Variants in SPIN3 observed in about 807,000 individuals in gnomAD.
SPIN3 encodes the protein spindlin-3.
For missense variants in SPIN3, 176 were observed against 196.4 expected (o/e 0.90, Z 0.62); for synonymous variants, 74 against 74.3 (o/e 1.00, Z 0.02).
downstream of SPIN3, among the ~76,000 whole-genome samples, chrX:56,990,508 A>T (rs1158996182): frequency 8.9e-6 from 1 of 111,818 alleles, no homozygotes; most frequent in African/African-American, 3.3e-5. Flanking sequence ...AACAGAAAAA[A>T]ATAATTGTTC....
downstream of SPIN3, among the ~76,000 whole-genome samples, chrX:56,987,315 C>G (rs928561820): frequency 9.1e-6 from 1 of 110,126 alleles, no homozygotes; most frequent in Non-Finnish European, 1.9e-5. Context: ...GGTATTCCAG[C>G]CTTTCAACTT....
chrX:56,989,642 G>A (rs1924290238), downstream of SPIN3, among the ~76,000 whole-genome samples: 1 of 111,425 alleles, frequency 9.0e-6, no homozygotes, highest in African/African-American at 3.3e-5. Context: ...CCCATCACTT[G>A]CATTACCACC....
chrX:56,987,551 T>A (rs138855007), downstream of SPIN3, among the ~76,000 whole-genome samples: 54 of 111,826 alleles, frequency 4.8e-4, 1 homozygote, highest in East Asian at 0.012. Context: ...ATATCTTTGT[T>A]GCTTTTCTCC....
At chrX:56,984,414 C>T (rs1569323707) in exon 3 of SPIN3, 3 of 318,443 alleles carry the variant, frequency 9.4e-6, no homozygotes, top group African/African-American at 8.6e-5. Context: ...GGACACATTA[C>T]TTTGATACAA....
chrX:56,994,801 G>C lies in SPIN3; in HGVS notation c.147C>G (p.Ile49Met). ...ATCCGTGCTGAATTCTGCAGCCCAC[G>C]ATGTTCCCCCGAGGCTGGGAGGTGG... ...SRPTSQPRGN[I>M]VGCRIQHGWK... Residue 49 changes from isoleucine to methionine, a missense_variant, in exon 2 of 2, where the codon ATC becomes ATG. Coordinates refer to ENST00000374919, the MANE Select transcript of SPIN3 (RefSeq NM_001010862.3). The C allele has an allele frequency of 9.1e-6, 11 of 1,211,534 alleles. No homozygotes were observed. The highest frequency in any genetic ancestry group is 1.2e-5 in the Non-Finnish European group (11 of 895,506).
Position 56,994,270 on chromosome X carries a change from G to T in SPIN3, c.678C>A (p.Gly226=), listed in dbSNP as rs752679229. The change falls in exon 2 of 2, where the codon GGC becomes GGA. Residue 226 remains glycine, a synonymous_variant. Coordinates refer to ENST00000374919, the MANE Select transcript of SPIN3 (RefSeq NM_001010862.3). The part of the protein sequence containing the change: ...YAKDDGSKRT[G]MVIHQVEAKP... ...TTGCTTCTACCTGATGAATGACCATGCCAGTTCTCTTGGAGCCATCGTCTT... is the reference window on the plus strand; with the variant it reads ...TTGCTTCTACCTGATGAATGACCATTCCAGTTCTCTTGGAGCCATCGTCTT... The T allele has an allele frequency of 1.7e-6, 2 of 1,211,839 alleles. No individual in the cohort carries two copies. The highest frequency in any genetic ancestry group is 3.5e-5 in the South Asian group (2 of 56,969).
At chrX:56,988,076 A>G (rs1472152488), downstream of SPIN3, among the ~76,000 whole-genome samples, 1 of 111,851 alleles carries the variant, frequency 8.9e-6, no homozygotes. Context: ...TTGCTAGTAT[A>G]GAGCTAGTAA....
chrX:56,989,954 C>T (rs1035193351), downstream of SPIN3, among the ~76,000 whole-genome samples: 3 of 109,820 alleles, frequency 2.7e-5, no homozygotes, highest in African/African-American at 1.0e-4. Context: ...ATCCCCAAAC[C>T]ACCCCCCTCC....
In SPIN3 at chrX:56,994,307, A is replaced by AG. The variant is rs1245023595; in HGVS notation, c.640_641insC (p.Val214AlafsTer31). 5 of 1,210,151 alleles carry AG rather than the reference A, an allele frequency of 4.1e-6. No individual in the cohort carries two copies. The highest frequency in any genetic ancestry group is 5.6e-6 in the Non-Finnish European group (5 of 895,307). On this transcript the variant is annotated frameshift_variant, in exon 2 of 2. Transcript: ENST00000374919. LOFTEE classifies it high-confidence loss of function. ...GGAGCCATCGTCTTTGGCGTATTCC[A>AG]CCTGTTTGCCTACCAGGCTGTCTAT... is the stretch of plus-strand genomic sequence containing the variant.
In SPIN3 at chrX:56,994,950, C is replaced by T; in HGVS notation, c.-2-1G>A. On this transcript the variant is annotated splice_acceptor_variant, in intron 1 of 1. Transcript: ENST00000374919. LOFTEE classifies it low-confidence loss of function (5UTR_SPLICE). Reference sequence around the variant, plus strand: ...GCCTTTCCAAACGGGGTCTTCATGCCTGCGAAGAGGAGCACAGTTGCCAGG... The same window carrying T: ...GCCTTTCCAAACGGGGTCTTCATGCTTGCGAAGAGGAGCACAGTTGCCAGG... 1 of 1,178,908 alleles carries T rather than the reference C, an allele frequency of 8.5e-7. No individual in the cohort carries two copies. Among genetic ancestry groups the T allele is most frequent in the Admixed American group, 2.4e-5 (1 of 40,961 alleles).
Position 56,992,451 on chromosome X carries a change from G to A in SPIN3, c.*1720C>T. The A allele has an allele frequency of 1.7e-5, 5 of 297,286 alleles. No individual in the cohort carries two copies. Among genetic ancestry groups the A allele is most frequent in the Non-Finnish European group, 2.3e-5 (4 of 170,292 alleles). 24.5% of individuals were successfully genotyped at this position (297,286 alleles called of 1,213,427 possible). On this transcript the variant is annotated 3_prime_UTR_variant, in exon 2 of 2. Transcript: ENST00000374919. The stretch of plus-strand genomic sequence containing the variant: ...CTGTTGTCAGTCAAACATCATAGTA[G>A]AGACTTAGTGGCATCAAAAAGCAAA...
exon 6 of SPIN3, chrX:56,976,995 T>A (rs750821012): frequency 8.9e-6 from 1 of 112,018 alleles, no homozygotes; most frequent in East Asian, 2.8e-4. Flanking sequence ...CCTGTTTATG[T>A]AATTTTTCTT....
downstream of SPIN3, among the ~76,000 whole-genome samples, chrX:56,990,128 T>G (rs1303287217): frequency 9.0e-6 from 1 of 111,318 alleles, no homozygotes; most frequent in Non-Finnish European, 1.9e-5. Context: ...TCAAAGTATC[T>G]GACCTAAGCC....
chrX:56,981,605 C>T (rs1213155992), intron 3 of SPIN3: 1 of 111,621 alleles, frequency 9.0e-6, no homozygotes, highest in Non-Finnish European at 1.9e-5. Context: ...ATCCCAAAAA[C>T]TACAGCTTTA....
At position 56,994,187 on chromosome X, in the gene SPIN3, A is replaced by C; in HGVS notation, c.761T>G (p.Leu254Trp). ...DDDFHIYVYD[L>W]VKTS ...AGATGACCTCTAAGATGTTTTTACC[A>C]AATCGTAGACATAGATATGGAAATC... Residue 254 changes from leucine to tryptophan, a missense_variant, in exon 2 of 2, where the codon TTG (leucine) becomes TGG (tryptophan). By Grantham distance (61) the Leu-to-Trp change is moderately conservative. Coordinates refer to ENST00000374919, the MANE Select transcript of SPIN3 (RefSeq NM_001010862.3). The C allele has an allele frequency of 8.3e-7, 1 of 1,203,117 alleles. No homozygotes were observed. Among genetic ancestry groups the C allele is most frequent in the Non-Finnish European group, 1.1e-6 (1 of 891,142 alleles).
downstream of SPIN3, among the ~76,000 whole-genome samples, chrX:56,988,655 T>C (rs1250255705): frequency 9.0e-6 from 1 of 111,085 alleles, no homozygotes; most frequent in Non-Finnish European, 1.9e-5. Flanking sequence ...TCAGTGATTT[T>C]CAATGTGGGG....
In SPIN3 at chrX:56,994,839, GCTT is replaced by G. The variant is rs1181913579; in HGVS notation, c.106_108del (p.Lys36del). On this transcript the variant is annotated inframe_deletion, in exon 2 of 2. Transcript: ENST00000374919. The stretch of plus-strand genomic sequence containing the variant: ...GGCTGGGAGGTGGGTCGGCTCCTAT[GCTT>G]CTTGTGTGCAGCCTTCCTCTTTATC... 8.3e-7 allele frequency: 1 copy of G among 1,211,749 alleles called. No individual in the cohort carries two copies. Among genetic ancestry groups the G allele is most frequent in the Admixed American group, 2.2e-5 (1 of 46,070 alleles).
At chrX:56,984,335 T>C (rs1924178533) in exon 3 of SPIN3, 1 of 288,335 alleles carries the variant, frequency 3.5e-6, no homozygotes, top group Non-Finnish European at 6.6e-6. Flanking sequence ...GAAACCATAT[T>C]GTCCCTCAAA....
At chrX:56,988,631 T>C (rs1924269266), downstream of SPIN3, among the ~76,000 whole-genome samples, 1 of 111,027 alleles carries the variant, frequency 9.0e-6, no homozygotes, top group South Asian at 3.8e-4. Context: ...CCTCACTCAA[T>C]TGCCACCTAT....
Sources: gnomAD v4.1 joint callset for allele counts (sites outside exome capture counted in the v4.1 genomes callset) on GRCh38, gnomAD v4.1.1 for gene constraint, MANE v1.5 for transcripts, NCBI Gene and HGNC (gene_info 2026-07-23, HGNC 2026-07-21) for gene names.